Variants in TTC4 observed in about 807,000 individuals in gnomAD.
The protein encoded by TTC4 is tetratricopeptide repeat domain 4, also known as hsp70/Hsp90 co-chaperone CNS1 homolog.
Under a neutral mutation model 51.9 loss-of-function variants are expected in TTC4, and 36 were observed. The observed-to-expected ratio is 0.69, with a 90% CI of 0.53 to 0.92. The LOEUF (loss-of-function observed/expected upper bound fraction) is 0.92, where lower values mean the gene tolerates loss of function less well. Ranked by LOEUF, TTC4 falls within the 40% of genes least tolerant of loss-of-function variation. The probability of loss-of-function intolerance (pLI) is 0.00; values close to 1 mark genes in which losing one functional copy is unlikely to be tolerated. For missense variants in TTC4, 399 were observed against 454.6 expected (o/e 0.88, Z 1.11); for synonymous variants, 144 against 164.2 (o/e 0.88, Z 0.94).
chr1:54,730,789 TTTC>T lies in TTC4; in HGVS notation c.682-694_682-692del, dbSNP rs148759372. ...CCCAACTAAACTGAAATATTTGACATTTCTTTTTTTTTTTTTTTATCTTTTCTG... is the reference window on the plus strand; with the variant it reads ...CCCAACTAAACTGAAATATTTGACATTTTTTTTTTTTTTTTATCTTTTCTG... On this transcript the variant is annotated intron_variant, in intron 6 of 9. Transcript: ENST00000371281. Among the ~76,000 whole-genome samples, 840 of 149,814 alleles carry T rather than the reference TTTC, an allele frequency of 5.6e-3. 7 individuals are homozygous for T. The highest frequency in any genetic ancestry group is 0.017 in the Middle Eastern group (5 of 292).
rs1478948523 is a variant in TTC4 at position 54,737,569 on chromosome 1, G to A, written c.979-13G>A. 3 of 1,613,112 alleles carry A rather than the reference G, an allele frequency of 1.9e-6. No homozygotes were observed. Among genetic ancestry groups the A allele is most frequent in the East Asian group, 2.2e-5 (1 of 44,868 alleles). The stretch of plus-strand genomic sequence containing the variant: ...CTTTATCTCTGACTCTTGCCCTTCT[G>A]TTAATCTTGCAGGTCTACTTTGAGG... On this transcript the variant is annotated splice_polypyrimidine_tract_variant and intron_variant, in intron 8 of 9. Transcript: ENST00000371281.
intron 1 of TTC4, 103 bp downstream of exon 1, chr1:54,716,122 G>C: frequency 1.1e-6 from 1 of 929,594 alleles, no homozygotes; most frequent in Non-Finnish European, 1.7e-6. Flanking sequence ...CCCTGGCGCT[G>C]CCAGCCGATC....
intron 3 of TTC4, among the ~76,000 whole-genome samples, chr1:54,720,859 A>G (rs1049072512): frequency 6.6e-6 from 1 of 152,084 alleles, no homozygotes; most frequent in African/African-American, 2.4e-5. Context: ...CCCCTTTTCC[A>G]TATCTTTTCT....
At position 54,717,609 on chromosome 1, in the gene TTC4, A is replaced by T; in HGVS notation, c.347A>T (p.Asn116Ile). 1 of 1,611,438 alleles carries T rather than the reference A, an allele frequency of 6.2e-7. No individual in the cohort carries two copies. The highest frequency in any genetic ancestry group is 8.5e-7 in the Non-Finnish European group (1 of 1,179,076). Residue 116 changes from asparagine to isoleucine, a missense_variant, in exon 3 of 10, where the codon AAT (asparagine) becomes ATT (isoleucine). Physicochemically the swap from Asn to Ile is moderately radical, Grantham distance 149. Coordinates refer to ENST00000371281, the MANE Select transcript of TTC4 (RefSeq NM_004623.5). Reference protein sequence around the residue: ...LKKKCADPDLNAVLYTNRAAA... With the variant: ...LKKKCADPDLIAVLYTNRAAA... The stretch of plus-strand genomic sequence containing the variant: ...AAGAAATGTGCAGATCCTGATTTGA[A>T]TGCTGTCCTTTATACCAACCGGGCA...
chr1:54,731,335 A>G (rs973350502), intron 6 of TTC4, 151 bp from the exon 7 acceptor site: 2 of 663,594 alleles, frequency 3.0e-6, no homozygotes, highest in Non-Finnish European at 2.4e-6. Flanking sequence ...TGGGCAATAT[A>G]GTGAAACTCC....
chr1:54,724,813 A>G (rs1259514539), intron 5 of TTC4, among the ~76,000 whole-genome samples: 1 of 152,158 alleles, frequency 6.6e-6, no homozygotes, highest in East Asian at 1.9e-4. Context: ...GACCTTTACA[A>G]TTTTTCTCCT....
intron 8 of TTC4, among the ~76,000 whole-genome samples, chr1:54,736,346 A>C (rs1442320808): frequency 2.6e-5 from 4 of 151,990 alleles, no homozygotes; most frequent in African/African-American, 9.7e-5. Context: ...TATATTTGTA[A>C]CAATGACTTT....
At chr1:54,734,175 G>A (rs1435522341) in intron 8 of TTC4, among the ~76,000 whole-genome samples, 1 of 151,766 alleles carries the variant, frequency 6.6e-6, no homozygotes, top group Non-Finnish European at 1.5e-5. Flanking sequence ...AGGTTCAAGC[G>A]ATTCTCCTGC....
intron 5 of TTC4, among the ~76,000 whole-genome samples, chr1:54,727,305 G>A (rs191384398): frequency 5.5e-4 from 84 of 152,290 alleles, no homozygotes; most frequent in African/African-American, 1.8e-3. Context: ...ATATTCACAT[G>A]TGGGAGAATG....
intron 6 of TTC4, among the ~76,000 whole-genome samples, chr1:54,731,138 C>CTGG (rs1645861036): frequency 6.6e-6 from 1 of 152,140 alleles, no homozygotes; most frequent in Non-Finnish European, 1.5e-5. Context: ...TAAGTGGTAC[C>CTGG]TACTATGTGC....
At chr1:54,724,629 C>CTAAATGTG (rs987049781) in intron 5 of TTC4, among the ~76,000 whole-genome samples, 3 of 152,128 alleles carry the variant, frequency 2.0e-5, no homozygotes, top group African/African-American at 7.2e-5. Flanking sequence ...TTTAACAATT[C>CTAAATGTG]TAAATGTGTA....
At chr1:54,718,896 T>G (rs58273029) in intron 3 of TTC4, among the ~76,000 whole-genome samples, 14,040 of 152,210 alleles carry the variant, frequency 0.092, 911 homozygotes, top group South Asian at 0.19. Context: ...CAATGTGCTG[T>G]GTACTCAGTG....
intron 3 of TTC4, 178 bp downstream of exon 3, chr1:54,717,831 T>C (rs1570028995): frequency 3.7e-6 from 2 of 542,260 alleles, no homozygotes; most frequent in East Asian, 6.9e-5. Flanking sequence ...AGAAACAGGA[T>C]GGATTGTGTA....
At chr1:54,717,783 G>C in intron 3 of TTC4, 130 bp downstream of exon 3, 1 of 805,294 alleles carries the variant, frequency 1.2e-6, no homozygotes, top group Non-Finnish European at 1.8e-6. Flanking sequence ...AGTTTACTCT[G>C]ATTGAACTCT....
rs1204044756 is a variant in TTC4, at chr1:54,741,915, A to G, written c.*402A>G. 1 of 162,434 alleles carries G rather than the reference A, an allele frequency of 6.2e-6. No homozygotes were observed. The highest frequency in any genetic ancestry group is 1.1e-5 in the Non-Finnish European group (1 of 90,046). 10.1% of individuals were successfully genotyped at this position (162,434 alleles called of 1,614,324 possible). On this transcript the variant is annotated 3_prime_UTR_variant, in exon 10 of 10. Transcript: ENST00000371281. ...CCCTCAAACTGCACATCTACACACA[A>G]ACAAACAATGCATAGGATTCCAAGG...
chr1:54,734,620 C>A (rs188470834), intron 8 of TTC4, among the ~76,000 whole-genome samples: 20 of 152,190 alleles, frequency 1.3e-4, no homozygotes, highest in Non-Finnish European at 2.2e-4. Context: ...GAACTCCTGG[C>A]CTCAAGTGAT....
chr1:54,734,390 ATTTATT>A (rs1322433692), intron 8 of TTC4, among the ~76,000 whole-genome samples: 1 of 147,586 alleles, frequency 6.8e-6, no homozygotes, highest in African/African-American at 2.5e-5. Context: ...TTTCCTTTTT[ATTTATT>A]TTTATTTTTT....
At chr1:54,722,622 A>G in intron 4 of TTC4, 53 bp from the exon 5 acceptor site, 1 of 1,601,076 alleles carries the variant, frequency 6.2e-7, no homozygotes, top group East Asian at 2.2e-5. Flanking sequence ...TGCCCAAAGC[A>G]GGTTCTTTCC....
intron 8 of TTC4, among the ~76,000 whole-genome samples, chr1:54,736,224 A>AC: frequency 1.2e-5 from 1 of 82,490 alleles, no homozygotes; most frequent in African/African-American, 5.9e-5. Context: ...GAGAGAGAGA[A>AC]GAGGAGAGGA....
Sources: allele counts gnomAD v4.1 joint callset (sites outside exome capture counted in the v4.1 genomes callset), GRCh38; gene constraint gnomAD v4.1.1; transcripts MANE v1.5; gene names NCBI Gene and HGNC (gene_info 2026-07-23, HGNC 2026-07-21).